The following ARHGAP28 variants were observed in gnomAD, a reference collection of about 807,000 sequenced individuals.
ARHGAP28 encodes the protein Rho GTPase activating protein 28, also known as rho GTPase-activating protein 28.
A neutral mutation model predicts 90.7 loss-of-function variants in ARHGAP28; 56 were observed. The observed-to-expected ratio is 0.62, with a 90% CI of 0.50 to 0.77. The LOEUF (loss-of-function observed/expected upper bound fraction) is 0.77, where lower values mean the gene tolerates loss of function less well. Among genes scored for constraint, ARHGAP28 ranks in the 30% least tolerant of loss-of-function variants. The probability of loss-of-function intolerance (pLI) is 0.00; values close to 1 mark genes in which losing one functional copy is unlikely to be tolerated. For missense variants in ARHGAP28, 869 were observed against 900.9 expected (o/e 0.96, Z 0.45); for synonymous variants, 308 against 323.3 (o/e 0.95, Z 0.51).
At chr18:6,739,675 C>T (rs574019512) in intron 1 of ARHGAP28, among the ~76,000 whole-genome samples, 1 of 150,964 alleles carries the variant, frequency 6.6e-6, no homozygotes, top group South Asian at 2.1e-4. Flanking sequence ...CTCTCTCTTT[C>T]TTTCAGAAGG....
chr18:6,885,417 A>G (rs1372604801), intron 11 of ARHGAP28, among the ~76,000 whole-genome samples: 1 of 152,128 alleles, frequency 6.6e-6, no homozygotes, highest in Non-Finnish European at 1.5e-5. Flanking sequence ...ATACCCTCAA[A>G]TGGAGCTCAG....
chr18:6,741,049 T>C (rs536223212), intron 1 of ARHGAP28, among the ~76,000 whole-genome samples: 82 of 152,328 alleles, frequency 5.4e-4, no homozygotes, highest in African/African-American at 1.9e-3. Context: ...ATTATGAGAA[T>C]GGCATTTCCT....
chr18:6,860,260 A>G (rs761752107), intron 5 of ARHGAP28, among the ~76,000 whole-genome samples: 11 of 152,198 alleles, frequency 7.2e-5, no homozygotes, highest in Non-Finnish European at 1.0e-4. Context: ...AGTTCCTTTT[A>G]CCCACAGGAT....
chr18:6,823,185 C>T (rs915473868), intron 1 of ARHGAP28, among the ~76,000 whole-genome samples: 2 of 152,108 alleles, frequency 1.3e-5, no homozygotes, highest in Admixed American at 6.5e-5. Context: ...AGTTGCAAAC[C>T]CATACCAACA....
At chr18:6,772,420 G>A (rs1459025074) in intron 1 of ARHGAP28, among the ~76,000 whole-genome samples, 2 of 152,142 alleles carry the variant, frequency 1.3e-5, no homozygotes, top group East Asian at 1.9e-4. Context: ...AGGATGGTTC[G>A]ACTTAGGATC....
chr18:6,840,394 T>C (rs2056797093), intron 3 of ARHGAP28, among the ~76,000 whole-genome samples: 2 of 152,232 alleles, frequency 1.3e-5, no homozygotes, highest in African/African-American at 2.4e-5. Context: ...TGCATAACTG[T>C]TCTCTTCAGA....
intron 1 of ARHGAP28, among the ~76,000 whole-genome samples, chr18:6,752,424 CTCACAAGTCAA>C (rs1302054448): frequency 1.3e-5 from 2 of 152,184 alleles, no homozygotes; most frequent in Non-Finnish European, 2.9e-5. Flanking sequence ...CATCACTGTC[CTCACAAGTCAA>C]TAAACGTCTA....
intron 4 of ARHGAP28, among the ~76,000 whole-genome samples, chr18:6,857,385 T>C (rs947600998): frequency 1.3e-5 from 2 of 152,220 alleles, no homozygotes; most frequent in African/African-American, 4.8e-5. Context: ...AACATAGATA[T>C]AAACGTTTAG....
At chr18:6,736,915 G>A (rs374464816) in intron 1 of ARHGAP28, among the ~76,000 whole-genome samples, 45 of 152,128 alleles carry the variant, frequency 3.0e-4, no homozygotes, top group South Asian at 1.0e-3. Context: ...CCAGTGTTCC[G>A]GAGATGTTAT....
At chr18:6,775,542 C>T (rs927221515) in intron 1 of ARHGAP28, among the ~76,000 whole-genome samples, 4 of 152,036 alleles carry the variant, frequency 2.6e-5, no homozygotes, top group Admixed American at 6.6e-5. Context: ...GTTTTACCTC[C>T]GATTTCAGGT....
chr18:6,841,178 CTCCT>C (rs1355703092), intron 3 of ARHGAP28, among the ~76,000 whole-genome samples: 3 of 69,492 alleles, frequency 4.3e-5, no homozygotes, highest in African/African-American at 7.2e-5. Context: ...CTCTCTCTCT[CTCCT>C]CTCTCTCTCT....
At chr18:6,809,356 G>A (rs1330610576) in intron 1 of ARHGAP28, among the ~76,000 whole-genome samples, 1 of 152,042 alleles carries the variant, frequency 6.6e-6, no homozygotes, top group Non-Finnish European at 1.5e-5. Context: ...TATTTGTTTT[G>A]GCTCCATTTG....
intron 14 of ARHGAP28, among the ~76,000 whole-genome samples, chr18:6,892,882 T>C (rs2057276929): frequency 6.6e-6 from 1 of 152,234 alleles, no homozygotes. Flanking sequence ...GCCAAGCAGT[T>C]TCTAATTCTG....
intron 12 of ARHGAP28, among the ~76,000 whole-genome samples, chr18:6,888,385 C>T (rs925876367): frequency 1.3e-5 from 2 of 152,084 alleles, no homozygotes; most frequent in African/African-American, 4.8e-5. Flanking sequence ...GGCCAGTAAA[C>T]ATAATGCTGA....
chr18:6,881,502 C>T (rs879874276), intron 10 of ARHGAP28, among the ~76,000 whole-genome samples: 1 of 152,114 alleles, frequency 6.6e-6, no homozygotes, highest in Non-Finnish European at 1.5e-5. Flanking sequence ...GTAGAACTTA[C>T]GGAGGCTTAG....
At chr18:6,869,253 C>CTTTTTTTTTTTTTTTTTTTTTTTTTTTT (rs61280250) in intron 6 of ARHGAP28, among the ~76,000 whole-genome samples, 1 of 68,040 alleles carries the variant, frequency 1.5e-5, no homozygotes, top group African/African-American at 5.6e-5. Context: ...TTTTGCCATT[C>CTTTTTTTTTTTTTTTTTTTTTTTTTTTT]TTTTTTTTTT....
At chr18:6,886,171 A>C (rs2057219702) in intron 11 of ARHGAP28, among the ~76,000 whole-genome samples, 1 of 152,188 alleles carries the variant, frequency 6.6e-6, no homozygotes, top group South Asian at 2.1e-4. Context: ...TATACAGCTC[A>C]GTTAACTTCA....
chr18:6,750,723 G>C (rs1236001734), intron 1 of ARHGAP28, among the ~76,000 whole-genome samples: 1 of 152,110 alleles, frequency 6.6e-6, no homozygotes, highest in African/African-American at 2.4e-5. Flanking sequence ...CAGTCCCATC[G>C]TGGAGGCCCA....
Position 6,909,269 on chromosome 18 carries a change from T to G in ARHGAP28, c.2095+245T>G, listed in dbSNP as rs9807338. On this transcript the variant is annotated intron_variant, in intron 17 of 17. Coordinates refer to ENST00000383472, the MANE Select transcript of ARHGAP28 (RefSeq NM_001366230.1). ...TTGGGTCTTTTCTTTTCTTTTCTTTTCTTTGCTTTTCTTTTCTTTTCTTTT... is the reference window on the plus strand; with the variant it reads ...TTGGGTCTTTTCTTTTCTTTTCTTTGCTTTGCTTTTCTTTTCTTTTCTTTT... Among the ~76,000 whole-genome samples the G allele has an allele frequency of 6.8e-3, 839 of 123,332 alleles. 9 individuals carry two copies. The highest frequency in any genetic ancestry group is 0.024 in the African/African-American group (768 of 31,590). 80.9% of individuals were successfully genotyped at this position (123,332 alleles called of 152,430 possible).
Sources: gnomAD v4.1 joint callset for allele counts (sites outside exome capture counted in the v4.1 genomes callset) on GRCh38, gnomAD v4.1.1 for gene constraint, MANE v1.5 for transcripts, NCBI Gene and HGNC (gene_info 2026-07-23, HGNC 2026-07-21) for gene names.